The following OSBPL1A variants were observed in gnomAD, a reference collection of about 807,000 sequenced individuals.
OSBPL1A encodes oxysterol-binding protein-related protein 1.
A neutral mutation model predicts 137.1 loss-of-function variants in OSBPL1A; 80 were observed. That is an observed-to-expected ratio of 0.58 (90% CI 0.49 to 0.70). The LOEUF is 0.70. Ranked by LOEUF, OSBPL1A falls within the 30% of genes least tolerant of loss-of-function variation. The pLI, the probability that OSBPL1A is intolerant of heterozygous loss-of-function variation, is 0.00. For missense variants in OSBPL1A, 970 were observed against 1,129.4 expected, an observed-to-expected ratio of 0.86 and a Z score of 2.02; for synonymous variants, 365 against 389.7, an observed-to-expected ratio of 0.94 and a Z score of 0.75.
intron 17 of OSBPL1A, among the ~76,000 whole-genome samples, chr18:24,198,909 G>A (rs1355681229): frequency 4.0e-5 from 6 of 151,132 alleles, no homozygotes; most frequent in African/African-American, 1.2e-4. Flanking sequence ...CCAGGCTGGA[G>A]TGCAGTGGTA....
intron 15 of OSBPL1A, among the ~76,000 whole-genome samples, chr18:24,280,329 G>T (rs1008318998): frequency 6.6e-6 from 1 of 152,072 alleles, no homozygotes; most frequent in Non-Finnish European, 1.5e-5. Flanking sequence ...TGATCTGCCC[G>T]CCTCAGCCTC....
chr18:24,332,919 A>G, intron 7 of OSBPL1A, 23 bp downstream of exon 7: 1 of 1,606,266 alleles, frequency 6.2e-7, no homozygotes, highest in Non-Finnish European at 8.5e-7. Context: ...ATGGCCAACG[A>G]TGGTTTTCAC....
chr18:24,178,608 A>T (rs939822501), intron 20 of OSBPL1A, among the ~76,000 whole-genome samples: 10 of 152,126 alleles, frequency 6.6e-5, no homozygotes, highest in Non-Finnish European at 1.2e-4. Flanking sequence ...CTTTATTCTC[A>T]TTGCAATGAA....
intron 15 of OSBPL1A, among the ~76,000 whole-genome samples, chr18:24,263,327 TATG>T (rs2089485388): frequency 6.6e-6 from 1 of 152,212 alleles, no homozygotes; most frequent in Non-Finnish European, 1.5e-5. Flanking sequence ...TACTAGCTCA[TATG>T]ATCCTCCCCA....
At chr18:24,282,129 C>T (rs1322065626) in intron 14 of OSBPL1A, among the ~76,000 whole-genome samples, 3 of 151,024 alleles carry the variant, frequency 2.0e-5, no homozygotes, top group Non-Finnish European at 4.4e-5. Context: ...CAAAACCAGT[C>T]CCTGGTGCCA....
chr18:24,294,081 G>C (rs749052330), intron 14 of OSBPL1A, among the ~76,000 whole-genome samples: 3 of 151,898 alleles, frequency 2.0e-5, no homozygotes, highest in African/African-American at 7.3e-5. Context: ...TCTTGAGTTC[G>C]ACTATTTTGC....
chr18:24,290,180 C>G (rs1181855395), intron 14 of OSBPL1A, among the ~76,000 whole-genome samples: 1 of 151,896 alleles, frequency 6.6e-6, no homozygotes, highest in Non-Finnish European at 1.5e-5. Flanking sequence ...GCTGATGGGA[C>G]CATCTCTCCA....
At chr18:24,215,643 T>C (rs1480014911) in intron 17 of OSBPL1A, among the ~76,000 whole-genome samples, 2 of 152,196 alleles carry the variant, frequency 1.3e-5, no homozygotes, top group African/African-American at 2.4e-5. Context: ...GATTTTCTCC[T>C]TTAGGCAAAA....
chr18:24,382,420 A>T (rs1230911261), intron 1 of OSBPL1A, among the ~76,000 whole-genome samples: 2 of 150,318 alleles, frequency 1.3e-5, no homozygotes, highest in African/African-American at 2.5e-5. Context: ...AAAAAAAAAA[A>T]AAAAAAATTT....
intron 16 of OSBPL1A, among the ~76,000 whole-genome samples, chr18:24,228,219 C>T (rs1479272783): frequency 6.6e-6 from 1 of 151,772 alleles, no homozygotes; most frequent in Non-Finnish European, 1.5e-5. Flanking sequence ...CAGCCCGACT[C>T]ACCCCCTCTG....
intron 7 of OSBPL1A, among the ~76,000 whole-genome samples, chr18:24,325,166 A>C (rs2090951744): frequency 6.6e-6 from 1 of 152,156 alleles, no homozygotes. Flanking sequence ...GGAAAAGGAA[A>C]GATTACTTGA....
intron 21 of OSBPL1A, among the ~76,000 whole-genome samples, chr18:24,174,020 A>C (rs569058526): frequency 6.6e-6 from 1 of 152,162 alleles, no homozygotes; most frequent in Non-Finnish European, 1.5e-5. Flanking sequence ...TAGCATCTTC[A>C]ATTTGTATAA....
At chr18:24,368,120 C>A in intron 3 of OSBPL1A, 167 bp downstream of exon 3, 1 of 458,164 alleles carries the variant, frequency 2.2e-6, no homozygotes, top group African/African-American at 2.0e-5. Flanking sequence ...TCAGGCTAAC[C>A]TAATTCATGT....
At chr18:24,349,568 T>C (rs372497292) in intron 4 of OSBPL1A, among the ~76,000 whole-genome samples, 12 of 151,962 alleles carry the variant, frequency 7.9e-5, no homozygotes, top group Middle Eastern at 3.4e-3. Flanking sequence ...TTAAGAAAAA[T>C]ATCCCAGGCA....
intron 21 of OSBPL1A, among the ~76,000 whole-genome samples, chr18:24,173,366 A>C (rs1186818285): frequency 1.3e-5 from 2 of 152,186 alleles, no homozygotes; most frequent in Non-Finnish European, 2.9e-5. Context: ...ACAAACCTGC[A>C]CATGTACCCC....
chr18:24,251,907 T>A (rs925103660), intron 15 of OSBPL1A, among the ~76,000 whole-genome samples: 9 of 152,172 alleles, frequency 5.9e-5, no homozygotes, highest in Non-Finnish European at 8.8e-5. Context: ...GCAGAAATTC[T>A]AGAGTTGAAA....
At chr18:24,216,322 A>C (rs1001185081) in intron 17 of OSBPL1A, among the ~76,000 whole-genome samples, 2 of 152,230 alleles carry the variant, frequency 1.3e-5, no homozygotes, top group Admixed American at 1.3e-4. Context: ...CCTGGGCAAC[A>C]CAGTGAAACC....
intron 7 of OSBPL1A, among the ~76,000 whole-genome samples, chr18:24,321,464 T>G (rs185736134): frequency 6.6e-6 from 1 of 152,180 alleles, no homozygotes. Context: ...ACCTGGCTAA[T>G]TTTTGTATTT....
At chr18:24,248,891 T>C (rs2088985222) in intron 15 of OSBPL1A, among the ~76,000 whole-genome samples, 1 of 152,254 alleles carries the variant, frequency 6.6e-6, no homozygotes, top group South Asian at 2.1e-4. Flanking sequence ...AATGGAAGAC[T>C]AGCACTATAC....
Sources: allele counts gnomAD v4.1 joint callset (sites outside exome capture counted in the v4.1 genomes callset), GRCh38; gene constraint gnomAD v4.1.1; transcripts MANE v1.5; gene names NCBI Gene and HGNC (gene_info 2026-07-23, HGNC 2026-07-21).